The following TMPRSS11F variants were observed in gnomAD, a reference collection of about 807,000 sequenced individuals.
The protein encoded by TMPRSS11F is transmembrane serine protease 11F.
A neutral mutation model predicts 60.2 loss-of-function variants in TMPRSS11F; 47 were observed. The ratio of observed to expected loss-of-function variants is 0.78; its 90% CI spans 0.62 to 1.00. The LOEUF (loss-of-function observed/expected upper bound fraction) is 1.00, where lower values mean the gene tolerates loss of function less well. TMPRSS11F is among the 50% of genes least tolerant of loss of function. The probability of loss-of-function intolerance (pLI) is 0.00; values close to 1 mark genes in which losing one functional copy is unlikely to be tolerated. For missense variants in TMPRSS11F, 519 were observed against 522.9 expected (o/e 0.99, Z 0.07); for synonymous variants, 166 against 167.3 (o/e 0.99, Z 0.06).
At chr4:68,091,238 T>C (rs1451559405) in intron 2 of TMPRSS11F, among the ~76,000 whole-genome samples, 1 of 152,162 alleles carries the variant, frequency 6.6e-6, no homozygotes, top group East Asian at 1.9e-4. Context: ...CCTTGTAGCC[T>C]TCATCATGTT....
chr4:68,063,145 G>T (rs1469982910), intron 8 of TMPRSS11F: 1 of 613,088 alleles, frequency 1.6e-6, no homozygotes. Context: ...TAGAGAAAAA[G>T]AAGCAGCATC....
chr4:68,093,639 A>C, intron 2 of TMPRSS11F, among the ~76,000 whole-genome samples: 1 of 151,852 alleles, frequency 6.6e-6, no homozygotes. Context: ...AAATTTTTGC[A>C]ACCTACTCGT....
At chr4:68,091,787 CTA>C (rs58811256) in intron 2 of TMPRSS11F, among the ~76,000 whole-genome samples, 9,797 of 70,372 alleles carry the variant, frequency 0.14, 370 homozygotes, top group East Asian at 0.24. Context: ...CTCTCTCTAT[CTA>C]TCTATCTATC....
At chr4:68,063,360 T>C in intron 8 of TMPRSS11F, 1 of 417,006 alleles carries the variant, frequency 2.4e-6, no homozygotes, top group South Asian at 1.8e-5. Flanking sequence ...TTTTCTCTCT[T>C]TTTTTTTGTT....
intron 2 of TMPRSS11F, among the ~76,000 whole-genome samples, chr4:68,096,696 G>A (rs746149737): frequency 8.5e-5 from 13 of 152,144 alleles, no homozygotes; most frequent in African/African-American, 1.2e-4. Flanking sequence ...ATAATGCACT[G>A]AAAGCCGATC....
At chr4:68,062,090 A>G (rs1237047664) in intron 8 of TMPRSS11F, 2 of 450,896 alleles carry the variant, frequency 4.4e-6, no homozygotes, top group East Asian at 1.4e-4. Context: ...GGGTTGGAGG[A>G]CTACTTTTTC....
Position 68,090,510 on chromosome 4 carries a change from C to G in TMPRSS11F, c.282+13G>C. The G allele has an allele frequency of 1.3e-6, 2 of 1,572,618 alleles. No individual in the cohort carries two copies. The highest frequency in any genetic ancestry group is 1.7e-6 in the Non-Finnish European group (2 of 1,163,106). ...ACACATTAATAAACATTTAAAATTT[C>G]TGTTGAGCTTACCATTCTTTCAATC... On this transcript the variant is annotated intron_variant, in intron 3 of 9. Coordinates refer to ENST00000356291, the MANE Select transcript of TMPRSS11F (RefSeq NM_207407.2).
intron 8 of TMPRSS11F, among the ~76,000 whole-genome samples, chr4:68,061,162 T>C (rs1723165484): frequency 6.6e-6 from 1 of 152,178 alleles, no homozygotes; most frequent in African/African-American, 2.4e-5. Flanking sequence ...AGTTTCTAAA[T>C]ATAAAAACAA....
At chr4:68,071,299 A>G (rs1471357376) in intron 5 of TMPRSS11F, among the ~76,000 whole-genome samples, 1 of 152,224 alleles carries the variant, frequency 6.6e-6, no homozygotes, top group Non-Finnish European at 1.5e-5. Flanking sequence ...CTATCTCAAA[A>G]TATATTTAAA....
intron 1 of TMPRSS11F, among the ~76,000 whole-genome samples, chr4:68,124,934 T>C (rs1272312555): frequency 7.3e-6 from 1 of 136,228 alleles, no homozygotes; most frequent in African/African-American, 2.6e-5. Flanking sequence ...ATTCTAAGTA[T>C]CTAAACCAGC....
intron 1 of TMPRSS11F, among the ~76,000 whole-genome samples, chr4:68,110,320 C>T (rs2109880281): frequency 6.6e-6 from 1 of 152,244 alleles, no homozygotes; most frequent in South Asian, 2.1e-4. Flanking sequence ...ATTTTAGATG[C>T]ACAAAGGAAA....
At chr4:68,066,647 A>G (rs1053574055) in intron 7 of TMPRSS11F, among the ~76,000 whole-genome samples, 5 of 152,206 alleles carry the variant, frequency 3.3e-5, no homozygotes, top group African/African-American at 1.2e-4. Context: ...AAATTTATAA[A>G]AACTTAGGCC....
chr4:68,068,214 T>C (rs1252677843), intron 7 of TMPRSS11F, among the ~76,000 whole-genome samples: 1 of 152,166 alleles, frequency 6.6e-6, no homozygotes, highest in Non-Finnish European at 1.5e-5. Flanking sequence ...ATTCTTTTCT[T>C]ATTTGTAAAG....
At chr4:68,067,026 G>A (rs1167579747) in intron 7 of TMPRSS11F, among the ~76,000 whole-genome samples, 1 of 151,646 alleles carries the variant, frequency 6.6e-6, no homozygotes, top group African/African-American at 2.4e-5. Context: ...ACCACATTGT[G>A]TGATTACATG....
intron 7 of TMPRSS11F, among the ~76,000 whole-genome samples, chr4:68,067,335 T>C (rs1181928210): frequency 6.6e-6 from 1 of 152,240 alleles, no homozygotes; most frequent in East Asian, 1.9e-4. Flanking sequence ...TCAAAGTCAC[T>C]AGTAATCTCT....
At chr4:68,070,976 G>T (rs1201192515) in intron 5 of TMPRSS11F, among the ~76,000 whole-genome samples, 1 of 152,090 alleles carries the variant, frequency 6.6e-6, no homozygotes, top group Non-Finnish European at 1.5e-5. Flanking sequence ...AAAACAACTT[G>T]TATCATAAAA....
intron 1 of TMPRSS11F, among the ~76,000 whole-genome samples, chr4:68,109,967 T>G (rs959965947): frequency 6.6e-6 from 1 of 152,240 alleles, no homozygotes; most frequent in Non-Finnish European, 1.5e-5. Flanking sequence ...CTCTTCTATG[T>G]GCAGCATAAA....
intron 1 of TMPRSS11F, among the ~76,000 whole-genome samples, chr4:68,112,085 C>T (rs1348268534): frequency 6.6e-6 from 1 of 152,180 alleles, no homozygotes; most frequent in African/African-American, 2.4e-5. Context: ...ACTGTCTCTT[C>T]TGCTCAAATG....
intron 1 of TMPRSS11F, among the ~76,000 whole-genome samples, chr4:68,111,724 T>G (rs1201803566): frequency 6.6e-6 from 1 of 152,170 alleles, no homozygotes; most frequent in Non-Finnish European, 1.5e-5. Flanking sequence ...GTTGATACAT[T>G]TTACCTCAAA....
Sources: allele counts gnomAD v4.1 joint callset (sites outside exome capture counted in the v4.1 genomes callset), GRCh38; gene constraint gnomAD v4.1.1; transcripts MANE v1.5; gene names NCBI Gene and HGNC (gene_info 2026-07-23, HGNC 2026-07-21).